TMEM244: variants seen among roughly 807,000 people sequenced by gnomAD.
TMEM244 encodes the protein putative transmembrane protein 244.
A neutral mutation model predicts 15.8 loss-of-function variants in TMEM244; 13 were observed. The observed-to-expected ratio is 0.82, with a 90% CI of 0.53 to 1.30. The LOEUF (loss-of-function observed/expected upper bound fraction) is 1.30. TMEM244 is among the 50% of genes most tolerant of loss of function. The pLI, the probability that TMEM244 is intolerant of heterozygous loss-of-function variation, is 0.00. For missense variants in TMEM244, 161 were observed against 144.9 expected (o/e 1.11, Z -0.57); for synonymous variants, 45 against 48.7 (o/e 0.92, Z 0.32).
chr6:129,849,391 A>G (rs533730985), intron 1 of TMEM244, among the ~76,000 whole-genome samples: 1 of 152,178 alleles, frequency 6.6e-6, no homozygotes, highest in African/African-American at 2.4e-5. Flanking sequence ...ATGGAACATA[A>G]CAATTTTCTA....
intron 3 of TMEM244, 64 bp from the exon 4 acceptor site, chr6:129,833,649 T>C: frequency 6.7e-7 from 1 of 1,489,064 alleles, no homozygotes; most frequent in South Asian, 1.3e-5. Context: ...GAAATACAAC[T>C]AGTAACAAGA....
intron 1 of TMEM244, among the ~76,000 whole-genome samples, chr6:129,853,959 T>C (rs1248115283): frequency 6.6e-6 from 1 of 152,202 alleles, no homozygotes; most frequent in East Asian, 1.9e-4. Flanking sequence ...TCCACTCTCC[T>C]GGAGTTGAAA....
chr6:129,857,362 A>T (rs1703633952), intron 1 of TMEM244, among the ~76,000 whole-genome samples: 2 of 151,264 alleles, frequency 1.3e-5, no homozygotes, highest in African/African-American at 4.9e-5. Flanking sequence ...ACATATATAA[A>T]TTATTTTTTT....
At chr6:129,832,592 A>G (rs777549684) in intron 4 of TMEM244, among the ~76,000 whole-genome samples, 27 of 152,188 alleles carry the variant, frequency 1.8e-4, no homozygotes, top group Non-Finnish European at 3.7e-4. Context: ...TTTTGAGTGG[A>G]TAGGTGAACA....
intron 1 of TMEM244, among the ~76,000 whole-genome samples, chr6:129,860,174 C>T (rs776500665): frequency 1.3e-5 from 2 of 149,506 alleles, no homozygotes; most frequent in African/African-American, 2.5e-5. Context: ...GTGTAAGCCC[C>T]GACTAAATAT....
At chr6:129,834,655 A>G (rs1013051809) in intron 3 of TMEM244, among the ~76,000 whole-genome samples, 1 of 152,194 alleles carries the variant, frequency 6.6e-6, no homozygotes, top group African/African-American at 2.4e-5. Flanking sequence ...CTTCAATTCT[A>G]TTTAATTTAA....
intron 1 of TMEM244, among the ~76,000 whole-genome samples, chr6:129,857,818 ATATATATATGTG>A (rs1776737439): frequency 1.4e-5 from 2 of 145,822 alleles, no homozygotes; most frequent in African/African-American, 2.5e-5. Context: ...ATATACACAC[ATATATATATGTG>A]TATATATATG....
rs775160343 is a variant in TMEM244 at position 129,833,474 on chromosome 6, G to A, written c.305C>T (p.Ala102Val). The change falls in exon 4 of 5, where the codon GCC (alanine) becomes GTC (valine). Residue 102 changes from alanine to valine, a missense_variant. Physicochemically the swap from Ala to Val is moderately conservative, Grantham distance 64. Transcript: ENST00000368143. ...YAISVTILHV[A>V]ITSTVMLEFP... is the part of the protein sequence containing the mutation. ...ATTCTGCTTACCAGTTGAAGTGATG[G>A]CAACATGAAGAATAGTGACTGAAAT... 10 of 1,610,904 alleles carry A rather than the reference G, an allele frequency of 6.2e-6. No homozygotes were observed. Among genetic ancestry groups the A allele is most frequent in the South Asian group, 3.3e-5 (3 of 90,324 alleles).
intron 1 of TMEM244, among the ~76,000 whole-genome samples, chr6:129,856,892 T>G (rs1776720191): frequency 6.6e-6 from 1 of 152,062 alleles, no homozygotes; most frequent in South Asian, 2.1e-4. Flanking sequence ...TCCAAACTTA[T>G]TCAAGTCCAC....
At chr6:129,834,574 C>T (rs996438290) in intron 3 of TMEM244, among the ~76,000 whole-genome samples, 1 of 152,194 alleles carries the variant, frequency 6.6e-6, no homozygotes, top group Non-Finnish European at 1.5e-5. Flanking sequence ...CCAGTGATTG[C>T]AGTCGGTAAG....
intron 1 of TMEM244, among the ~76,000 whole-genome samples, chr6:129,859,956 T>C (rs986791033): frequency 6.6e-6 from 1 of 152,224 alleles, no homozygotes; most frequent in African/African-American, 2.4e-5. Context: ...GGATGTATCA[T>C]GAGAATTCAG....
intron 3 of TMEM244, among the ~76,000 whole-genome samples, chr6:129,840,329 A>G (rs1294451775): frequency 6.6e-6 from 1 of 152,228 alleles, no homozygotes; most frequent in East Asian, 1.9e-4. Context: ...AGAAATGGGG[A>G]AAGGATTCCC....
At chr6:129,836,357 G>GA (rs751047422) in intron 3 of TMEM244, among the ~76,000 whole-genome samples, 3 of 151,890 alleles carry the variant, frequency 2.0e-5, no homozygotes, top group Non-Finnish European at 2.9e-5. Context: ...CTAACAAACA[G>GA]AAAAAAATAG....
At chr6:129,836,456 A>C (rs1345121602) in intron 3 of TMEM244, among the ~76,000 whole-genome samples, 1 of 152,210 alleles carries the variant, frequency 6.6e-6, no homozygotes, top group Non-Finnish European at 1.5e-5. Context: ...AACCACAAAG[A>C]TGGGGAGAAA....
At chr6:129,856,288 T>C (rs1398298830) in intron 1 of TMEM244, among the ~76,000 whole-genome samples, 1 of 152,164 alleles carries the variant, frequency 6.6e-6, no homozygotes, top group Non-Finnish European at 1.5e-5. Flanking sequence ...TCTTTTTCAT[T>C]ACTACATTTT....
chr6:129,833,734 T>A, intron 3 of TMEM244, 149 bp from the exon 4 acceptor site: 1 of 769,778 alleles, frequency 1.3e-6, no homozygotes, highest in Non-Finnish European at 2.0e-6. Flanking sequence ...ATCCTCAAAT[T>A]TGGATAAAAC....
At chr6:129,837,139 G>T (rs1451205835) in intron 3 of TMEM244, among the ~76,000 whole-genome samples, 1 of 152,140 alleles carries the variant, frequency 6.6e-6, no homozygotes, top group Non-Finnish European at 1.5e-5. Context: ...CGCCAAGGTT[G>T]AAATGAGGGA....
At chr6:129,832,655 G>A (rs2046084) in intron 4 of TMEM244, among the ~76,000 whole-genome samples, 88,339 of 151,794 alleles carry the variant, frequency 0.58, 26,752 homozygotes, top group Non-Finnish European at 0.65. Flanking sequence ...GACACATGTC[G>A]GACAATTTCT....
rs557664967 is a variant in TMEM244 at position 129,854,593 on chromosome 6, C to G, written c.33+6563G>C. On this transcript the variant is annotated intron_variant, in intron 1 of 4. Transcript: ENST00000368143. ...AAATAAACATGTGGGTTAGTCACCTCTTACAGATGAAAAAACAGAGGCCCA... is the reference window on the plus strand; with the variant it reads ...AAATAAACATGTGGGTTAGTCACCTGTTACAGATGAAAAAACAGAGGCCCA... 9.6e-4 allele frequency among the ~76,000 whole-genome samples: 146 copies of G among 152,224 alleles called. 1 individual carries two copies. The highest frequency in any genetic ancestry group is 3.4e-3 in the African/African-American group (140 of 41,544).
Sources: allele counts gnomAD v4.1 joint callset (sites outside exome capture counted in the v4.1 genomes callset), GRCh38; gene constraint gnomAD v4.1.1; transcripts MANE v1.5; gene names NCBI Gene and HGNC (gene_info 2026-07-23, HGNC 2026-07-21).